The following DCC variants were observed in gnomAD, a reference collection of about 807,000 sequenced individuals.
DCC encodes DCC netrin 1 receptor, also known as netrin receptor DCC.
A neutral mutation model predicts 172.5 loss-of-function variants in DCC; 58 were observed. The observed-to-expected ratio is 0.34, with a 90% CI of 0.27 to 0.42. The LOEUF is 0.42. DCC is among the 10% of genes least tolerant of loss of function. The pLI, the probability that DCC is intolerant of heterozygous loss-of-function variation, is 1.00. For synonymous variants in DCC, 709 were observed against 644.5 expected (o/e 1.10, Z -1.52); for missense variants, 1,740 against 1,791.0 (o/e 0.97, Z 0.51).
intron 13 of DCC, among the ~76,000 whole-genome samples, chr18:53,308,829 A>G (rs1395671933): frequency 1.3e-5 from 2 of 152,074 alleles, no homozygotes; most frequent in Admixed American, 6.6e-5. Flanking sequence ...ATTTATTCTC[A>G]TAGTTCAGGA....
chr18:52,500,109 A>C (rs999391435), intron 1 of DCC, among the ~76,000 whole-genome samples: 6 of 147,896 alleles, frequency 4.1e-5, no homozygotes, highest in Non-Finnish European at 9.0e-5. Flanking sequence ...CGTTATTTTC[A>C]CTAGTTTTTT....
chr18:53,152,096 T>G (rs988184267), intron 7 of DCC, among the ~76,000 whole-genome samples: 6 of 152,174 alleles, frequency 3.9e-5, no homozygotes, highest in African/African-American at 9.6e-5. Flanking sequence ...TTATTTTTAT[T>G]AAATGGTGAA....
intron 5 of DCC, among the ~76,000 whole-genome samples, chr18:52,953,127 A>C (rs2040685307): frequency 6.6e-6 from 1 of 151,738 alleles, no homozygotes. Flanking sequence ...CTCAATCCCC[A>C]AGCAGTAACC....
intron 28 of DCC, among the ~76,000 whole-genome samples, chr18:53,527,977 A>G (rs1368048527): frequency 1.3e-5 from 2 of 152,168 alleles, no homozygotes; most frequent in African/African-American, 4.8e-5. Context: ...CCACCCTTCC[A>G]ACTAGCTTGT....
intron 1 of DCC, among the ~76,000 whole-genome samples, chr18:52,567,643 T>G (rs2033190380): frequency 6.6e-6 from 1 of 152,152 alleles, no homozygotes; most frequent in African/African-American, 2.4e-5. Flanking sequence ...TATGGAATGA[T>G]AGACAACAGA....
chr18:52,366,500 A>G (rs1432193813), intron 1 of DCC, among the ~76,000 whole-genome samples: 1 of 152,136 alleles, frequency 6.6e-6, no homozygotes, highest in African/African-American at 2.4e-5. Flanking sequence ...TCCCTGAGCT[A>G]GATACAAAGG....
chr18:53,094,466 C>G (rs1209028473), intron 7 of DCC, among the ~76,000 whole-genome samples: 2 of 152,148 alleles, frequency 1.3e-5, no homozygotes, highest in East Asian at 3.8e-4. Context: ...CATCAGCATT[C>G]TTGTTTCATA....
At chr18:52,941,477 T>A (rs1360480471) in intron 5 of DCC, among the ~76,000 whole-genome samples, 1 of 138,938 alleles carries the variant, frequency 7.2e-6, no homozygotes, top group Admixed American at 7.5e-5. Context: ...AACATACATA[T>A]ATACATGTTT....
rs569023833 is a variant in DCC, at chr18:52,990,845, A to G, written c.985+65475A>G. The stretch of plus-strand genomic sequence containing the variant: ...TCATAGCAAAATATTATTTTAAGCC[A>G]ATAGAAGAAATAATAGTAGGTTTAA... On this transcript the variant is annotated intron_variant, in intron 5 of 28. Transcript: ENST00000442544. 4.6e-5 allele frequency among the ~76,000 whole-genome samples: 7 copies of G among 152,338 alleles called. No individual in the cohort carries two copies. In the East Asian group the frequency reaches 7.7e-4, roughly 17 times the overall value.
At chr18:52,470,723 C>T (rs79549017) in intron 1 of DCC, among the ~76,000 whole-genome samples, 2,852 of 152,274 alleles carry the variant, frequency 0.019, 98 homozygotes, top group African/African-American at 0.065. Context: ...TAAACATTCC[C>T]TAATGGGAAA....
At chr18:53,170,716 C>A (rs928799642) in intron 8 of DCC, among the ~76,000 whole-genome samples, 1 of 152,136 alleles carries the variant, frequency 6.6e-6, no homozygotes, top group South Asian at 2.1e-4. Context: ...TCATTTAATT[C>A]TTTCAGACAT....
intron 1 of DCC, among the ~76,000 whole-genome samples, chr18:52,721,287 A>T (rs2036470264): frequency 6.6e-6 from 1 of 152,200 alleles, no homozygotes; most frequent in Non-Finnish European, 1.5e-5. Context: ...TGTGATTTCA[A>T]TTTGGAAAGT....
At chr18:52,770,285 A>G (rs752701945) in intron 2 of DCC, among the ~76,000 whole-genome samples, 5 of 152,066 alleles carry the variant, frequency 3.3e-5, no homozygotes, top group Non-Finnish European at 5.9e-5. Context: ...TGGACTATGG[A>G]GTAATTTCGT....
intron 1 of DCC, among the ~76,000 whole-genome samples, chr18:52,611,527 G>A (rs1213671991): frequency 6.6e-6 from 1 of 152,168 alleles, no homozygotes; most frequent in Non-Finnish European, 1.5e-5. Context: ...CTGACTGGCT[G>A]ATGTATGCAG....
intron 5 of DCC, among the ~76,000 whole-genome samples, chr18:53,020,080 A>G (rs1346033503): frequency 1.3e-5 from 2 of 152,164 alleles, no homozygotes; most frequent in Non-Finnish European, 2.9e-5. Context: ...TAGTTTCAAA[A>G]CTACATCTAC....
At chr18:52,433,246 TGGGTGGAAG>T (rs1157224752) in intron 1 of DCC, among the ~76,000 whole-genome samples, 2 of 152,192 alleles carry the variant, frequency 1.3e-5, no homozygotes, top group Non-Finnish European at 2.9e-5. Flanking sequence ...TTGAAAACTT[TGGGTGGAAG>T]GGGTTTCAAT....
At chr18:52,640,595 T>C (rs934428788) in intron 1 of DCC, among the ~76,000 whole-genome samples, 2 of 151,326 alleles carry the variant, frequency 1.3e-5, no homozygotes, top group Admixed American at 1.3e-4. Flanking sequence ...AATCAAGAAC[T>C]CAACCCTTTT....
At chr18:52,907,332 G>C (rs541155167) in intron 3 of DCC, among the ~76,000 whole-genome samples, 94 of 135,596 alleles carry the variant, frequency 6.9e-4, no homozygotes, top group African/African-American at 2.3e-3. Flanking sequence ...ATATCCATAT[G>C]GATATATACA....
chr18:52,977,976 TA>T, intron 5 of DCC, among the ~76,000 whole-genome samples: 1 of 150,424 alleles, frequency 6.6e-6, no homozygotes, highest in Middle Eastern at 3.4e-3. Flanking sequence ...TTGATTTAAA[TA>T]AAAATCACAA....
Sources: allele counts gnomAD v4.1 joint callset (sites outside exome capture counted in the v4.1 genomes callset), GRCh38; gene constraint gnomAD v4.1.1; transcripts MANE v1.5; gene names NCBI Gene and HGNC (gene_info 2026-07-23, HGNC 2026-07-21).